The following FSTL5 variants were observed in gnomAD, a reference collection of about 807,000 sequenced individuals.
The protein encoded by FSTL5 is follistatin like 5.
FSTL5 carries 62 observed loss-of-function variants against 89.1 expected under a neutral mutation model. That is an observed-to-expected ratio of 0.70 (90% confidence interval 0.57 to 0.86). FSTL5 has a LOEUF of 0.86. Ranked by LOEUF, FSTL5 falls within the 40% of genes least tolerant of loss-of-function variation. FSTL5 has a pLI of 0.00. For synonymous variants in FSTL5, 383 were observed against 346.2 expected, an observed-to-expected ratio of 1.11 and a Z score of -1.18; for missense variants, 1,057 against 1,001.6, an observed-to-expected ratio of 1.06 and a Z score of -0.75.
At chr4:161,946,983 A>G (rs2110940209) in intron 3 of FSTL5, among the ~76,000 whole-genome samples, 1 of 152,272 alleles carries the variant, frequency 6.6e-6, no homozygotes, top group East Asian at 1.9e-4. Flanking sequence ...ATTATATTGA[A>G]TACCTTTAAT....
intron 5 of FSTL5, among the ~76,000 whole-genome samples, chr4:161,765,188 C>A (rs1232722883): frequency 6.6e-6 from 1 of 152,162 alleles, no homozygotes; most frequent in Non-Finnish European, 1.5e-5. Flanking sequence ...CATTTAAATG[C>A]ATGAAATAGT....
At chr4:162,156,280 A>G (rs552032621) in intron 1 of FSTL5, among the ~76,000 whole-genome samples, 72 of 152,300 alleles carry the variant, frequency 4.7e-4, no homozygotes, top group African/African-American at 1.7e-3. Context: ...GGCAAATCTT[A>G]TATGCTATTG....
chr4:161,994,394 ACC>A (rs1006239946), intron 3 of FSTL5, among the ~76,000 whole-genome samples: 1 of 152,138 alleles, frequency 6.6e-6, no homozygotes, highest in Non-Finnish European at 1.5e-5. Context: ...CTGGGTATGC[ACC>A]CCATATTGGG....
intron 12 of FSTL5, among the ~76,000 whole-genome samples, chr4:161,497,067 T>A (rs936892294): frequency 2.0e-5 from 3 of 152,172 alleles, no homozygotes; most frequent in African/African-American, 7.2e-5. Flanking sequence ...ATCTATCTTG[T>A]TTTTAAATGT....
chr4:161,635,730 T>C (rs1167115776), intron 7 of FSTL5, among the ~76,000 whole-genome samples: 1 of 152,132 alleles, frequency 6.6e-6, no homozygotes, highest in African/African-American at 2.4e-5. Context: ...TAGACAAAAG[T>C]TGTAACAAAA....
chr4:161,557,770 T>A (rs1732442845), intron 8 of FSTL5, among the ~76,000 whole-genome samples: 1 of 151,818 alleles, frequency 6.6e-6, no homozygotes, highest in Admixed American at 6.6e-5. Flanking sequence ...AAGTTACGTA[T>A]ATTGCATATA....
At chr4:161,471,561 C>T (rs1733943397) in intron 13 of FSTL5, among the ~76,000 whole-genome samples, 1 of 152,144 alleles carries the variant, frequency 6.6e-6, no homozygotes, top group Non-Finnish European at 1.5e-5. Context: ...GCAATGCTTG[C>T]TTCATAGAAT....
intron 15 of FSTL5, among the ~76,000 whole-genome samples, chr4:161,395,069 T>C (rs940412502): frequency 2.0e-5 from 3 of 152,106 alleles, no homozygotes; most frequent in African/African-American, 7.2e-5. Context: ...TAGAAGCAGG[T>C]ATTCTAAAAA....
chr4:161,890,444 C>T (rs1298096962), intron 4 of FSTL5, among the ~76,000 whole-genome samples: 1 of 152,070 alleles, frequency 6.6e-6, no homozygotes, highest in Non-Finnish European at 1.5e-5. Context: ...AATCCCAACA[C>T]TTTGGGAAGC....
chr4:161,587,168 T>G (rs151071274), intron 8 of FSTL5, among the ~76,000 whole-genome samples: 1 of 152,132 alleles, frequency 6.6e-6, no homozygotes, highest in Non-Finnish European at 1.5e-5. Flanking sequence ...TGCCTAATTG[T>G]TAATATTCTA....
intron 1 of FSTL5, among the ~76,000 whole-genome samples, chr4:162,148,377 C>G (rs941060979): frequency 5.3e-5 from 8 of 152,154 alleles, no homozygotes; most frequent in African/African-American, 1.4e-4. Context: ...TTGTGTCATC[C>G]TAAATTCCTT....
intron 2 of FSTL5, among the ~76,000 whole-genome samples, chr4:162,103,710 A>G (rs1561020849): frequency 6.6e-6 from 1 of 152,186 alleles, no homozygotes; most frequent in East Asian, 1.9e-4. Flanking sequence ...CTACTGAGAG[A>G]CAGGACTAGC....
chr4:161,850,315 G>A (rs1167552491), intron 4 of FSTL5, among the ~76,000 whole-genome samples: 2 of 152,310 alleles, frequency 1.3e-5, no homozygotes, highest in Non-Finnish European at 2.9e-5. Context: ...TGTCGAAAGG[G>A]AAGGAAACTA....
rs1737883437 is a variant in FSTL5 at position 162,039,905 on chromosome 4, CAA to C, written c.127-6249_127-6248del. On this transcript the variant is annotated intron_variant, in intron 2 of 15. Coordinates refer to ENST00000306100, the MANE Select transcript of FSTL5 (RefSeq NM_020116.5). ...ACAGTAAACTGATGATATAATTCAC[CAA>C]AGTGTCCTTATGTATATATACTTCA... Among the ~76,000 whole-genome samples the C allele has an allele frequency of 2.0e-5, 3 of 152,044 alleles. No homozygotes were observed. In the South Asian group the frequency reaches 6.2e-4, roughly 32 times the overall value.
rs1731251692 is a variant in FSTL5, at chr4:161,527,175, T to C, written c.1312+10991A>G. Among the ~76,000 whole-genome samples, 3 of 152,208 alleles carry C rather than the reference T, an allele frequency of 2.0e-5. No individual in the cohort carries two copies. The South Asian group carries it at 6.2e-4, about 32-fold the overall frequency. The stretch of plus-strand genomic sequence containing the variant: ...TCCTTCACGTCCCTTGTAAGTTGGA[T>C]TCCTAGGTATTTTATTCTCTTTGAA... On this transcript the variant is annotated intron_variant, in intron 10 of 15. Transcript: ENST00000306100.
At chr4:161,918,584 T>C (rs903748374) in intron 4 of FSTL5, among the ~76,000 whole-genome samples, 12 of 152,158 alleles carry the variant, frequency 7.9e-5, no homozygotes, top group Middle Eastern at 3.2e-3. Flanking sequence ...TTCCTAAGCA[T>C]ACAGCTACAA....
At chr4:161,949,557 T>C (rs1734833442) in intron 3 of FSTL5, among the ~76,000 whole-genome samples, 1 of 152,062 alleles carries the variant, frequency 6.6e-6, no homozygotes. Context: ...TCAATTTTTT[T>C]CTGGTCCAAC....
At chr4:161,661,169 C>T (rs2126687171) in intron 6 of FSTL5, among the ~76,000 whole-genome samples, 1 of 152,178 alleles carries the variant, frequency 6.6e-6, no homozygotes, top group South Asian at 2.1e-4. Flanking sequence ...ATTTTAGGAA[C>T]TTTGACTAAA....
At chr4:162,074,537 TATAAC>T (rs1729758852) in intron 2 of FSTL5, among the ~76,000 whole-genome samples, 1 of 151,818 alleles carries the variant, frequency 6.6e-6, no homozygotes, top group Non-Finnish European at 1.5e-5. Flanking sequence ...ATTTCAATAA[TATAAC>T]AGACTTAATT....
Sources: gnomAD v4.1 joint callset for allele counts (sites outside exome capture counted in the v4.1 genomes callset) on GRCh38, gnomAD v4.1.1 for gene constraint, MANE v1.5 for transcripts, NCBI Gene and HGNC (gene_info 2026-07-23, HGNC 2026-07-21) for gene names.